EBF4: variants seen among roughly 807,000 people sequenced by gnomAD.
The protein encoded by EBF4 is EBF transcription factor 4, also known as transcription factor COE4.
EBF4 carries 34 observed loss-of-function variants against 67.1 expected under a neutral mutation model. The observed-to-expected ratio is 0.51, with a 90% CI of 0.39 to 0.67. The LOEUF (loss-of-function observed/expected upper bound fraction) is 0.67, where lower values mean the gene tolerates loss of function less well. Among genes scored for constraint, EBF4 ranks in the 30% least tolerant of loss-of-function variants. The pLI is 0.00. For synonymous variants in EBF4, 387 were observed against 377.7 expected (o/e 1.02, Z -0.29); for missense variants, 837 against 873.3 (o/e 0.96, Z 0.52).
intron 6 of EBF4, among the ~76,000 whole-genome samples, chr20:2,720,778 A>T (rs2087669551): frequency 6.6e-6 from 1 of 152,186 alleles, no homozygotes; most frequent in South Asian, 2.1e-4. Context: ...ATCCAGTATC[A>T]ATTTTCTTAG....
chr20:2,730,600 A>G (rs2087800994), intron 6 of EBF4, among the ~76,000 whole-genome samples: 1 of 152,190 alleles, frequency 6.6e-6, no homozygotes, highest in Non-Finnish European at 1.5e-5. Context: ...CCCCTATACA[A>G]GTAATCCTTA....
intron 6 of EBF4, among the ~76,000 whole-genome samples, chr20:2,716,033 G>A (rs1351815933): frequency 6.6e-6 from 1 of 151,218 alleles, no homozygotes; most frequent in Non-Finnish European, 1.5e-5. Flanking sequence ...ACAGGCATGA[G>A]CCACCGCGCC....
chr20:2,723,887 T>C (rs183503870), intron 6 of EBF4, among the ~76,000 whole-genome samples: 1 of 152,350 alleles, frequency 6.6e-6, no homozygotes, highest in African/African-American at 2.4e-5. Flanking sequence ...TCATTTCCTG[T>C]CATTTAAAAA....
intron 6 of EBF4, among the ~76,000 whole-genome samples, chr20:2,738,300 A>G (rs1184542089): frequency 7.3e-5 from 11 of 151,678 alleles, no homozygotes; most frequent in Non-Finnish European, 1.5e-4. Context: ...TCAGACTCCC[A>G]CCTTCTCCTT....
intron 6 of EBF4, among the ~76,000 whole-genome samples, chr20:2,714,760 A>G (rs1163436964): frequency 6.6e-6 from 1 of 152,210 alleles, no homozygotes; most frequent in Non-Finnish European, 1.5e-5. Context: ...TTTTCAAGTC[A>G]TTTAACTTTG....
intron 1 of EBF4, among the ~76,000 whole-genome samples, chr20:2,702,155 C>T (rs577232378): frequency 5.9e-5 from 9 of 152,210 alleles, no homozygotes; most frequent in African/African-American, 9.6e-5. Flanking sequence ...GTGTTGAGGC[C>T]GGGCGCAGTG....
rs2088146831 is a variant in EBF4 at position 2,751,649 on chromosome 20, G to T, written c.1019-51G>T. The stretch of plus-strand genomic sequence containing the variant: ...TTTGGCGCCCTGCGTCTCACCCTGG[G>T]AGTGGGGGGCTGCGGGGGAGACGTC... On this transcript the variant is annotated intron_variant, in intron 10 of 16. Coordinates refer to ENST00000609451, the Ensembl canonical transcript of EBF4. The surrounding 1 kb of genome is among the most constrained non-coding windows in gnomAD (Gnocchi z 5.2). 6.5e-7 allele frequency: 1 copy of T among 1,536,432 alleles called. No individual in the cohort carries two copies. The highest frequency in any genetic ancestry group is 1.4e-5 in the African/African-American group (1 of 72,840).
At chr20:2,719,291 T>C (rs903374924) in intron 6 of EBF4, among the ~76,000 whole-genome samples, 1 of 152,098 alleles carries the variant, frequency 6.6e-6, no homozygotes, top group African/African-American at 2.4e-5. Flanking sequence ...TTTGTTTGTT[T>C]TGAGACGGAG....
In EBF4 at chr20:2,755,319, C is replaced by A; in HGVS notation, c.1541-308C>A. 2.5e-6 allele frequency: 1 copy of A among 397,478 alleles called. No homozygotes were observed. Among genetic ancestry groups the A allele is most frequent in the Non-Finnish European group, 4.5e-6 (1 of 220,536 alleles). The allele number at this position is 397,478 out of a possible 1,614,324, so 24.6% of individuals were successfully genotyped here. A position where few individuals can be genotyped will look rare whatever the true frequency, so the allele number is the denominator to read the frequency against. On this transcript the variant is annotated intron_variant, in intron 14 of 16. Coordinates refer to ENST00000609451, the Ensembl canonical transcript of EBF4. The surrounding 1 kb of genome is among the most constrained non-coding windows in gnomAD (Gnocchi z 4.7). ...TTTTCAGCAGAAATCCTGAAGTAGT[C>A]CAGCTGTTGCTCATCTCATTTTTGG...
At chr20:2,737,410 G>A (rs562185969) in intron 6 of EBF4, among the ~76,000 whole-genome samples, 118 of 152,220 alleles carry the variant, frequency 7.8e-4, no homozygotes, top group African/African-American at 2.8e-3. Flanking sequence ...GAGTTATTGA[G>A]GGCTGGGGAC....
At chr20:2,742,226 A>G (rs575654126) in intron 6 of EBF4, among the ~76,000 whole-genome samples, 31 of 152,282 alleles carry the variant, frequency 2.0e-4, no homozygotes, top group East Asian at 3.9e-4. Flanking sequence ...GTCAAGTCAC[A>G]GTCAATAGCT....
chr20:2,752,249 C>T (rs1188118470), exon 13 of EBF4: 25 of 1,287,044 alleles, frequency 1.9e-5, no homozygotes, highest in Non-Finnish European at 2.3e-5. Context: ...GACGCCACCC[C>T]GGGGCCCGAG....
intron 1 of EBF4, among the ~76,000 whole-genome samples, chr20:2,703,205 T>C (rs1256622544): frequency 6.9e-6 from 1 of 145,682 alleles, no homozygotes; most frequent in Non-Finnish European, 1.5e-5. Context: ...TACAGTGAGC[T>C]GAGATCACAC....
chr20:2,730,262 A>G (rs2087796032), intron 6 of EBF4, among the ~76,000 whole-genome samples: 1 of 152,176 alleles, frequency 6.6e-6, no homozygotes, highest in Non-Finnish European at 1.5e-5. Flanking sequence ...CAAAGGCCCT[A>G]GGGGTGAATC....
In EBF4 at chr20:2,755,877, C is replaced by T; in HGVS notation, c.1738+53C>T. On this transcript the variant is annotated intron_variant, in intron 15 of 16. Transcript: ENST00000609451. This position sits in a 1 kb window ranked among gnomAD's most constrained non-coding sequence, Gnocchi z 4.7. ...GCAGGAAGGAAGGGCCCTTGTGGAGCAGCTGGGCTACAGGGGCCTGCTCTG... is the reference window on the plus strand; with the variant it reads ...GCAGGAAGGAAGGGCCCTTGTGGAGTAGCTGGGCTACAGGGGCCTGCTCTG... The T allele has an allele frequency of 6.7e-7, 1 of 1,497,946 alleles. No homozygotes were observed. Among genetic ancestry groups the T allele is most frequent in the Non-Finnish European group, 9.0e-7 (1 of 1,116,044 alleles). The allele number at this position is 1,497,946 out of a possible 1,614,324, so 92.8% of individuals were successfully genotyped here.
At chr20:2,713,117 T>C (rs1002295714) in intron 6 of EBF4, among the ~76,000 whole-genome samples, 4 of 151,840 alleles carry the variant, frequency 2.6e-5, no homozygotes, top group Non-Finnish European at 5.9e-5. Context: ...CAAGAAAAAA[T>C]ACAGCTTGCT....
At chr20:2,716,317 G>A (rs1016413213) in intron 6 of EBF4, among the ~76,000 whole-genome samples, 4 of 151,042 alleles carry the variant, frequency 2.6e-5, no homozygotes, top group African/African-American at 4.9e-5. Context: ...ACCGGAGGTC[G>A]GGAGTTCGAG....
At chr20:2,695,647 C>T (rs1172450146) in intron 1 of EBF4, among the ~76,000 whole-genome samples, 2 of 152,184 alleles carry the variant, frequency 1.3e-5, no homozygotes, top group Non-Finnish European at 2.9e-5. Flanking sequence ...CTGCCTCATC[C>T]TTCCTCCCCA....
intron 6 of EBF4, among the ~76,000 whole-genome samples, chr20:2,737,817 GA>G (rs5839969): frequency 0.1 from 14,354 of 143,594 alleles, 791 homozygotes; most frequent in East Asian, 0.18. Context: ...CTAAAAATGT[GA>G]AAAAAAAAAA....
Sources: gnomAD v4.1 joint callset for allele counts (sites outside exome capture counted in the v4.1 genomes callset) on GRCh38, gnomAD v4.1.1 for gene constraint, Gnocchi (gnomAD v3.1) non-coding constraint, MANE v1.5 for transcripts, NCBI Gene and HGNC (gene_info 2026-07-23, HGNC 2026-07-21) for gene names.